Variants in RAB21 observed in about 807,000 individuals in gnomAD.
RAB21 encodes ras-related protein Rab-21.
A neutral mutation model predicts 33.1 loss-of-function variants in RAB21; 13 were observed. That is an observed-to-expected ratio of 0.39 (90% CI 0.26 to 0.62). The LOEUF (loss-of-function observed/expected upper bound fraction) is 0.62, where lower values mean the gene tolerates loss of function less well. Ranked by LOEUF, RAB21 falls within the 20% of genes least tolerant of loss-of-function variation. The pLI is 0.48. For missense variants in RAB21, 234 were observed against 279.1 expected, an observed-to-expected ratio of 0.84 and a Z score of 1.15; for synonymous variants, 91 against 103.7, an observed-to-expected ratio of 0.88 and a Z score of 0.74.
chr12:71,769,827 A>G lies in RAB21; in HGVS notation c.187A>G (p.Ile63Val). ...QASFLTKKLN[I>V]GGKRVNLAIW... The stretch of plus-strand genomic sequence containing the variant: ...ATCATTCTTAACAAAGAAGTTAAAT[A>G]TTGGTGGGAAAAGAGTAAACCTTGC... Residue 63 changes from isoleucine to valine, a missense_variant, in exon 2 of 7, where the codon ATT becomes GTT. Transcript: ENST00000261263. 1 of 1,394,068 alleles carries G rather than the reference A, an allele frequency of 7.2e-7. No homozygotes were observed. Among genetic ancestry groups the G allele is most frequent in the South Asian group, 1.7e-5 (1 of 57,800 alleles). The allele number at this position is 1,394,068 out of a possible 1,614,324, so 86.4% of individuals were successfully genotyped here.
rs1883493431 is a variant in RAB21 at position 71,798,392 on chromosome 12, A to G, written c.*12719A>G. ...GAGGCACCATGCCCAACATATAACA[A>G]TAAATTATATCACTATATAAAATAA... On this transcript the variant is annotated 3_prime_UTR_variant, in exon 7 of 7. Transcript: ENST00000261263. The G allele has an allele frequency of 1.3e-5, 2 of 152,138 alleles. No homozygotes were observed. The highest frequency in any genetic ancestry group is 2.9e-5 in the Non-Finnish European group (2 of 68,016). The allele number at this position is 152,138 out of a possible 1,614,324, so 9.4% of individuals were successfully genotyped here. A position where few individuals can be genotyped will look rare whatever the true frequency, so the allele number is the denominator to read the frequency against.
At chr12:71,783,664 T>C (rs1883236590) in intron 6 of RAB21, among the ~76,000 whole-genome samples, 1 of 152,170 alleles carries the variant, frequency 6.6e-6, no homozygotes, top group South Asian at 2.1e-4. Context: ...GAATCTGTGT[T>C]TTAACAAACG....
chr12:71,775,067 G>C (rs1432095132), intron 4 of RAB21, among the ~76,000 whole-genome samples: 1 of 152,214 alleles, frequency 6.6e-6, no homozygotes, highest in East Asian at 1.9e-4. Flanking sequence ...TCCCAGGGTG[G>C]AGGAATATTC....
Position 71,789,400 on chromosome 12 carries a change from T to C in RAB21, c.*3727T>C, listed in dbSNP as rs540288661. The stretch of plus-strand genomic sequence containing the variant: ...ATTCAGATAGTATAGTTTACTCTTA[T>C]AATTACCCGTTACGTTATCTCTAAA... On this transcript the variant is annotated 3_prime_UTR_variant, in exon 7 of 7. Coordinates refer to ENST00000261263, the MANE Select transcript of RAB21 (RefSeq NM_014999.4). 5 of 152,134 alleles carry C rather than the reference T, an allele frequency of 3.3e-5. No homozygotes were observed. Among genetic ancestry groups the C allele is most frequent in the African/African-American group, 1.2e-4 (5 of 41,448 alleles). 9.4% of individuals were successfully genotyped at this position (152,134 alleles called of 1,614,324 possible).
chr12:71,788,690 A>G lies in RAB21; in HGVS notation c.*3017A>G, dbSNP rs188235366. ...TGTGCCAGTATTTTTTCAGCCAGTA[A>G]GCATATACAGTTAACTTATATAATT... On this transcript the variant is annotated 3_prime_UTR_variant, in exon 7 of 7. Coordinates refer to ENST00000261263, the MANE Select transcript of RAB21 (RefSeq NM_014999.4). The G allele has an allele frequency of 6.6e-6, 1 of 152,294 alleles. No homozygotes were observed. Among genetic ancestry groups the G allele is most frequent in the Admixed American group, 6.5e-5 (1 of 15,290 alleles). 9.4% of individuals were successfully genotyped at this position (152,294 alleles called of 1,614,324 possible). A position where few individuals can be genotyped will look rare whatever the true frequency, so the allele number is the denominator to read the frequency against.
chr12:71,782,661 A>G lies in RAB21; in HGVS notation c.535+3A>G. ...ACTCTTTCTTGACCTTTGTAAAAGT[A>G]GGTATATTCAGATTTAGTTTGTTTA... On this transcript the variant is annotated splice_donor_region_variant and intron_variant, in intron 6 of 6. Transcript: ENST00000261263. 6.5e-7 allele frequency: 1 copy of G among 1,547,942 alleles called. No homozygotes were observed. The highest frequency in any genetic ancestry group is 2.3e-5 in the East Asian group (1 of 44,010).
chr12:71,765,352 A>T (rs1014768426), intron 1 of RAB21, among the ~76,000 whole-genome samples: 13 of 151,894 alleles, frequency 8.6e-5, no homozygotes, highest in African/African-American at 3.1e-4. Context: ...TCTGGATATT[A>T]GTCTTTTGTT....
Position 71,767,119 on chromosome 12 carries a change from G to C in RAB21, c.160-2681G>C, listed in dbSNP as rs533162028. ...TTTTACTGCATGGATGGCTATTTTT[G>C]TGAATTTTTAACTACTTACCTATTA... On this transcript the variant is annotated intron_variant, in intron 1 of 6. Transcript: ENST00000261263. 2.0e-5 allele frequency among the ~76,000 whole-genome samples: 3 copies of C among 152,228 alleles called. No individual in the cohort carries two copies. In the East Asian group the frequency reaches 5.8e-4, roughly 29 times the overall value.
At chr12:71,767,044 A>G (rs1711851865) in intron 1 of RAB21, among the ~76,000 whole-genome samples, 1 of 152,222 alleles carries the variant, frequency 6.6e-6, no homozygotes, top group South Asian at 2.1e-4. Flanking sequence ...TAAACATTTA[A>G]TAAATGTTAG....
chr12:71,770,749 A>G (rs776189690), intron 3 of RAB21, 50 bp downstream of exon 3: 6 of 1,237,450 alleles, frequency 4.8e-6, no homozygotes, highest in Non-Finnish European at 4.6e-6. Flanking sequence ...TAATTTTTCA[A>G]GTTTCCATTA....
At chr12:71,759,473 A>G (rs1882838216) in intron 1 of RAB21, among the ~76,000 whole-genome samples, 1 of 152,250 alleles carries the variant, frequency 6.6e-6, no homozygotes, top group Non-Finnish European at 1.5e-5. Context: ...CTGTAGACAT[A>G]TAGAATCTTA....
chr12:71,764,302 A>G (rs1882926538), intron 1 of RAB21, among the ~76,000 whole-genome samples: 1 of 152,162 alleles, frequency 6.6e-6, no homozygotes, highest in Non-Finnish European at 1.5e-5. Context: ...CTCCCCCCTC[A>G]GTACCATGTA....
chr12:71,756,195 A>G (rs932186312), intron 1 of RAB21, among the ~76,000 whole-genome samples: 7 of 152,210 alleles, frequency 4.6e-5, no homozygotes, highest in Admixed American at 3.9e-4. Flanking sequence ...GTCCAGGTTC[A>G]TGTCTCACCT....
intron 2 of RAB21, 79 bp from the exon 3 acceptor site, chr12:71,770,513 A>T: frequency 1.0e-6 from 1 of 963,136 alleles, no homozygotes; most frequent in Non-Finnish European, 1.6e-6. Flanking sequence ...TTTTCCAATT[A>T]ATCAAAAAGT....
At chr12:71,775,413 C>T (rs1423338422) in intron 4 of RAB21, among the ~76,000 whole-genome samples, 3 of 152,152 alleles carry the variant, frequency 2.0e-5, no homozygotes, top group Admixed American at 6.5e-5. Flanking sequence ...TTCTACATAC[C>T]TGATAATATT....
chr12:71,783,463 C>T (rs979031240), intron 6 of RAB21, among the ~76,000 whole-genome samples: 4 of 148,076 alleles, frequency 2.7e-5, no homozygotes, highest in South Asian at 2.1e-4. Flanking sequence ...TGTGTGTGTA[C>T]ACACACACAC....
At chr12:71,765,709 A>G (rs899977523) in intron 1 of RAB21, among the ~76,000 whole-genome samples, 1 of 152,114 alleles carries the variant, frequency 6.6e-6, no homozygotes, top group African/African-American at 2.4e-5. Context: ...TAAATAGGCT[A>G]TCTTTTCCCA....
chr12:71,755,144 C>A lies in RAB21; in HGVS notation c.15C>A (p.Gly5=). The change falls in exon 1 of 7, where the codon GGC becomes GGA. Residue 5 remains glycine, a synonymous_variant. Coordinates refer to ENST00000261263, the MANE Select transcript of RAB21 (RefSeq NM_014999.4). MAAA[G]GGGGGAAAAG... ...GAAGCGACGGGATGGCTGCGGCCGG[C>A]GGCGGCGGCGGCGGGGCGGCGGCGG... The A allele has an allele frequency of 3.9e-6, 5 of 1,266,732 alleles. No homozygotes were observed. Among genetic ancestry groups the A allele is most frequent in the Non-Finnish European group, 5.0e-6 (5 of 1,005,736 alleles). The allele number at this position is 1,266,732 out of a possible 1,614,324, so 78.5% of individuals were successfully genotyped here.
intron 4 of RAB21, among the ~76,000 whole-genome samples, chr12:71,776,345 C>T (rs1246053697): frequency 6.6e-6 from 1 of 151,958 alleles, no homozygotes; most frequent in East Asian, 1.9e-4. Flanking sequence ...TGTTGCCCCT[C>T]TCTAAAAGTT....
Sources: gnomAD v4.1 joint callset for allele counts (sites outside exome capture counted in the v4.1 genomes callset) on GRCh38, gnomAD v4.1.1 for gene constraint, MANE v1.5 for transcripts, NCBI Gene and HGNC (gene_info 2026-07-23, HGNC 2026-07-21) for gene names.